ZBTB7C: variants seen among roughly 807,000 people sequenced by gnomAD.
ZBTB7C encodes the protein zinc finger and BTB domain containing 7C.
A neutral mutation model predicts 25.7 loss-of-function variants in ZBTB7C; 8 were observed. The ratio of observed to expected loss-of-function variants is 0.31; its 90% CI spans 0.18 to 0.56. The LOEUF is 0.56. ZBTB7C is among the 20% of genes least tolerant of loss of function. ZBTB7C has a pLI of 0.91. For synonymous variants in ZBTB7C, 394 were observed against 369.0 expected (o/e 1.07, Z -0.78); for missense variants, 824 against 855.2 (o/e 0.96, Z 0.46).
At chr18:48,222,289 G>A (rs987646896) in intron 2 of ZBTB7C, among the ~76,000 whole-genome samples, 2 of 152,120 alleles carry the variant, frequency 1.3e-5, no homozygotes, top group African/African-American at 2.4e-5. Flanking sequence ...CTATGAAACC[G>A]ACACAGCTAA....
At chr18:48,189,660 C>T (rs533411684) in intron 2 of ZBTB7C, among the ~76,000 whole-genome samples, 4 of 152,306 alleles carry the variant, frequency 2.6e-5, no homozygotes, top group South Asian at 4.1e-4. Context: ...TGGATAGATA[C>T]GGCATAAGTT....
intron 3 of ZBTB7C, among the ~76,000 whole-genome samples, chr18:48,084,049 A>C (rs1260180056): frequency 6.6e-6 from 1 of 152,214 alleles, no homozygotes; most frequent in African/African-American, 2.4e-5. Flanking sequence ...TTCTGCAGGC[A>C]TGAGGCCTCC....
intron 2 of ZBTB7C, among the ~76,000 whole-genome samples, chr18:48,190,459 A>G (rs901264742): frequency 6.6e-6 from 1 of 152,154 alleles, no homozygotes; most frequent in African/African-American, 2.4e-5. Flanking sequence ...AGACAAGATG[A>G]CGGAGGCACA....
At chr18:48,248,311 T>G (rs2144410735) in intron 2 of ZBTB7C, among the ~76,000 whole-genome samples, 1 of 152,308 alleles carries the variant, frequency 6.6e-6, no homozygotes, top group East Asian at 1.9e-4. Context: ...CTCTACAAAT[T>G]ACCCAGTCTC....
At chr18:48,280,304 C>G (rs915324187) in intron 2 of ZBTB7C, among the ~76,000 whole-genome samples, 1 of 152,234 alleles carries the variant, frequency 6.6e-6, no homozygotes, top group Middle Eastern at 3.4e-3. Context: ...CTCCTCGACC[C>G]CTCCCTGGAC....
intron 2 of ZBTB7C, among the ~76,000 whole-genome samples, chr18:48,250,488 T>C (rs35179354): frequency 0.065 from 9,894 of 152,222 alleles, 532 homozygotes; most frequent in East Asian, 0.19. Context: ...ACTCAGATGA[T>C]GCTAGTTATC....
At chr18:48,236,452 A>G (rs2145372332) in intron 2 of ZBTB7C, among the ~76,000 whole-genome samples, 1 of 152,364 alleles carries the variant, frequency 6.6e-6, no homozygotes. Flanking sequence ...TTATAGTTCA[A>G]GAACTCAACA....
intron 1 of ZBTB7C, among the ~76,000 whole-genome samples, chr18:48,400,506 G>A (rs930354303): frequency 1.3e-5 from 2 of 152,140 alleles, no homozygotes; most frequent in African/African-American, 4.8e-5. Flanking sequence ...TGCTTCCCTA[G>A]TTTGCTTGCT....
intron 2 of ZBTB7C, among the ~76,000 whole-genome samples, chr18:48,235,926 T>C (rs1337305458): frequency 6.6e-6 from 1 of 152,206 alleles, no homozygotes; most frequent in Non-Finnish European, 1.5e-5. Flanking sequence ...TTTATCTTTA[T>C]GAGATCAACT....
At chr18:48,257,263 T>C (rs1487854248) in intron 2 of ZBTB7C, among the ~76,000 whole-genome samples, 1 of 152,070 alleles carries the variant, frequency 6.6e-6, no homozygotes, top group African/African-American at 2.4e-5. Flanking sequence ...AATTCCATAA[T>C]GATAAAAGGA....
chr18:48,392,832 A>G (rs1323273585), intron 1 of ZBTB7C, among the ~76,000 whole-genome samples: 2 of 152,160 alleles, frequency 1.3e-5, no homozygotes, highest in Non-Finnish European at 2.9e-5. Context: ...TCTTCCTCCA[A>G]TGCCCACGCT....
chr18:48,279,222 A>C (rs1046933971), intron 2 of ZBTB7C, among the ~76,000 whole-genome samples: 6 of 152,110 alleles, frequency 3.9e-5, no homozygotes, highest in Non-Finnish European at 8.8e-5. Flanking sequence ...CTCCACCATT[A>C]AAACGGAATG....
At chr18:48,228,265 C>G (rs2043156133) in intron 2 of ZBTB7C, among the ~76,000 whole-genome samples, 1 of 152,186 alleles carries the variant, frequency 6.6e-6, no homozygotes, top group South Asian at 2.1e-4. Context: ...GTGCGGGCCT[C>G]AGTTCCTCAT....
At chr18:48,212,782 G>A (rs1336789933) in intron 2 of ZBTB7C, among the ~76,000 whole-genome samples, 2 of 152,132 alleles carry the variant, frequency 1.3e-5, no homozygotes, top group African/African-American at 4.8e-5. Context: ...GACTGTCCAT[G>A]CCAGACAAGG....
intron 3 of ZBTB7C, among the ~76,000 whole-genome samples, chr18:48,129,209 A>C (rs1024544489): frequency 2.0e-5 from 3 of 152,134 alleles, no homozygotes; most frequent in African/African-American, 7.2e-5. Flanking sequence ...GCCCTCCAAA[A>C]AAACTGCCAA....
At chr18:48,299,399 CACA>C (rs1346391046) in intron 2 of ZBTB7C, among the ~76,000 whole-genome samples, 3 of 152,184 alleles carry the variant, frequency 2.0e-5, no homozygotes, top group African/African-American at 7.2e-5. Context: ...TCCATTTGAT[CACA>C]ACATCCACCG....
At chr18:48,249,481 T>C (rs1010852145) in intron 2 of ZBTB7C, among the ~76,000 whole-genome samples, 4 of 152,200 alleles carry the variant, frequency 2.6e-5, no homozygotes, top group Admixed American at 6.5e-5. Flanking sequence ...CCACTGGTCA[T>C]TGAAAACAGG....
At chr18:48,149,899 G>T (rs1471920392) in intron 3 of ZBTB7C, 2 of 150,758 alleles carry the variant, frequency 1.3e-5, no homozygotes, top group African/African-American at 4.9e-5. Context: ...CACCTTCCGG[G>T]TTCCAGTGAT....
At chr18:48,078,945 C>T (rs1470017049) in intron 3 of ZBTB7C, among the ~76,000 whole-genome samples, 1 of 152,172 alleles carries the variant, frequency 6.6e-6, no homozygotes, top group Non-Finnish European at 1.5e-5. Flanking sequence ...TTCATTCATT[C>T]ATTCATTCAT....
Sources: gnomAD v4.1 joint callset for allele counts (sites outside exome capture counted in the v4.1 genomes callset) on GRCh38, gnomAD v4.1.1 for gene constraint, MANE v1.5 for transcripts, NCBI Gene and HGNC (gene_info 2026-07-23, HGNC 2026-07-21) for gene names.